MYH15: variants seen among roughly 807,000 people sequenced by gnomAD.
The protein encoded by MYH15 is myosin heavy chain 15, also known as myosin-15.
In MYH15, 227 loss-of-function variants were observed where a neutral mutation model predicts 240.5. The observed-to-expected ratio is 0.94, with a 90% CI of 0.85 to 1.05. MYH15 has a LOEUF of 1.05. Ranked by LOEUF, MYH15 falls within the 50% of genes least tolerant of loss-of-function variation. MYH15 has a pLI of 0.00. For synonymous variants in MYH15, 785 were observed against 796.7 expected, an observed-to-expected ratio of 0.99 and a Z score of 0.25; for missense variants, 2,217 against 2,247.5, an observed-to-expected ratio of 0.99 and a Z score of 0.27.
At chr3:108,477,225 G>A (rs374919420) in intron 11 of MYH15, among the ~76,000 whole-genome samples, 2 of 152,128 alleles carry the variant, frequency 1.3e-5, no homozygotes, top group African/African-American at 4.8e-5. Context: ...GACACGAAAG[G>A]CCACATATTG....
At chr3:108,450,710 C>T (rs1233440269) in intron 21 of MYH15, among the ~76,000 whole-genome samples, 1 of 152,156 alleles carries the variant, frequency 6.6e-6, no homozygotes, top group African/African-American at 2.4e-5. Flanking sequence ...TCACCACACA[C>T]ACAAAAGATA....
chr3:108,549,763 C>A, the MYH15 span: 8 of 152,104 alleles, frequency 5.3e-5, no homozygotes, highest in African/African-American at 1.9e-4. Context: ...TAGGGTAGCA[C>A]TAGGCTAGGC....
At chr3:108,390,957 A>G (rs2082419056) in intron 37 of MYH15, among the ~76,000 whole-genome samples, 1 of 152,168 alleles carries the variant, frequency 6.6e-6, no homozygotes, top group Non-Finnish European at 1.5e-5. Flanking sequence ...TTTCATTTTG[A>G]AAATATAAGC....
chr3:108,425,360 T>A (rs1244057989), intron 27 of MYH15, among the ~76,000 whole-genome samples: 1 of 152,216 alleles, frequency 6.6e-6, no homozygotes, highest in African/African-American at 2.4e-5. Context: ...CCGTGCTTTA[T>A]GAATATTCTA....
chr3:108,509,027 T>C (rs2083500825), intron 1 of MYH15, among the ~76,000 whole-genome samples: 1 of 152,172 alleles, frequency 6.6e-6, no homozygotes, highest in Non-Finnish European at 1.5e-5. Flanking sequence ...AGTGATTTGC[T>C]CTAATTACCC....
chr3:108,410,827 G>T lies in MYH15; in HGVS notation c.4251C>A (p.Leu1417=). 4 of 1,613,950 alleles carry T rather than the reference G, an allele frequency of 2.5e-6. No individual in the cohort carries two copies. Among genetic ancestry groups the T allele is most frequent in the Non-Finnish European group, 3.4e-6 (4 of 1,179,844 alleles). ...ERARHQLQLE[L]GDALSDLGKV... ...TCCCGAGGTCAGACAGGGCGTCCCC[G>T]AGCTCCAGCTGCAGCTGGTGCCTGG... The change falls in exon 31 of 41, where the codon CTC becomes CTA. Residue 1417 remains leucine (L), a synonymous_variant. Coordinates refer to ENST00000693548, the MANE Select transcript of MYH15 (RefSeq NM_014981.3).
chr3:108,426,519 C>T (rs967830829), intron 27 of MYH15, among the ~76,000 whole-genome samples: 2 of 152,244 alleles, frequency 1.3e-5, no homozygotes, highest in African/African-American at 4.8e-5. Flanking sequence ...CAGGTCACCA[C>T]TCTGGAAGGC....
chr3:108,471,093 A>AG (rs1560403062), intron 12 of MYH15, among the ~76,000 whole-genome samples: 35 of 127,470 alleles, frequency 2.7e-4, no homozygotes, highest in African/African-American at 9.0e-4. Flanking sequence ...GGAAGGAAAG[A>AG]AGGGAGGGAG....
chr3:108,477,693 T>TA (rs1031830730), intron 11 of MYH15, among the ~76,000 whole-genome samples: 1 of 152,144 alleles, frequency 6.6e-6, no homozygotes, highest in Non-Finnish European at 1.5e-5. Context: ...CAGCTATCTG[T>TA]AAAACACCCT....
intron 14 of MYH15, among the ~76,000 whole-genome samples, chr3:108,469,331 G>A (rs116805105): frequency 0.01 from 1,576 of 152,200 alleles, 16 homozygotes; most frequent in African/African-American, 0.031. Context: ...CGATTATGGC[G>A]AGGCCCAAGA....
chr3:108,424,324 G>C (rs1315276577), intron 27 of MYH15, among the ~76,000 whole-genome samples: 1 of 152,208 alleles, frequency 6.6e-6, no homozygotes. Flanking sequence ...CACTGGTATA[G>C]TGTTTCCATG....
intron 33 of MYH15, among the ~76,000 whole-genome samples, chr3:108,401,179 T>C (rs1356549193): frequency 6.6e-6 from 1 of 152,202 alleles, no homozygotes; most frequent in East Asian, 1.9e-4. Context: ...TTACACGTTC[T>C]TGCCGTAACC....
In MYH15 at chr3:108,380,977, C is replaced by T. The variant is rs1215227654; in HGVS notation, c.*568G>A. On this transcript the variant is annotated 3_prime_UTR_variant, in exon 41 of 41. Coordinates refer to ENST00000693548, the MANE Select transcript of MYH15 (RefSeq NM_014981.3). ...GTTTAAAGCATGTACCAGCATATAG[C>T]CTACATGTGTGTTGATTAGGAGAGT... 6.5e-6 allele frequency: 1 copy of T among 154,146 alleles called. No homozygotes were observed. Among genetic ancestry groups the T allele is most frequent in the Non-Finnish European group, 1.4e-5 (1 of 69,400 alleles). 9.5% of individuals were successfully genotyped at this position (154,146 alleles called of 1,614,324 possible).
chr3:108,383,566 G>A (rs1034102406), intron 40 of MYH15, 29 bp downstream of exon 40: 15 of 1,608,340 alleles, frequency 9.3e-6, no homozygotes, highest in African/African-American at 6.7e-5. Flanking sequence ...TGATTAAAGA[G>A]TTAGAACAGA....
In MYH15 at chr3:108,454,010, C is replaced by T. The variant is rs77864349; in HGVS notation, c.2395G>A (p.Glu799Lys). The T allele has an allele frequency of 8.2e-4, 1,322 of 1,610,692 alleles. 13 individuals are homozygous for T. The African/African-American group carries it at 0.015, about 18-fold the overall frequency. The change falls in exon 21 of 41, where the codon GAA becomes AAA. Residue 799 changes from glutamate (E) to lysine (K), a missense_variant. By Grantham distance (56) the Glu-to-Lys change is moderately conservative. Transcript: ENST00000693548. Reference sequence around the variant, plus strand: ...AGCAGGGTGGGCATATAATACCTTTCTTCCAGAATCTTCTGGAATTTGATT... The same window carrying T: ...AGCAGGGTGGGCATATAATACCTTTTTTCCAGAATCTTCTGGAATTTGATT... Reference protein sequence around the residue: ...MRIKFQKILEERDALILIQWN... With the variant: ...MRIKFQKILEKRDALILIQWN...
the MYH15 span, chr3:108,543,837 G>C: frequency 6.6e-6 from 1 of 152,272 alleles, no homozygotes; most frequent in Admixed American, 6.5e-5. Context: ...TCTTGTGGAA[G>C]TGAGGCATCA....
At chr3:108,507,255 A>G (rs900912037) in intron 1 of MYH15, among the ~76,000 whole-genome samples, 4 of 47,064 alleles carry the variant, frequency 8.5e-5, no homozygotes, top group Admixed American at 7.3e-4. Context: ...ATATATATAT[A>G]TATATATATA....
intron 1 of MYH15, among the ~76,000 whole-genome samples, chr3:108,507,175 T>G (rs908007574): frequency 7.0e-6 from 1 of 142,904 alleles, no homozygotes; most frequent in African/African-American, 2.6e-5. Flanking sequence ...TATATATGTG[T>G]GTCTATGTAT....
chr3:108,455,690 TC>T (rs1560384253), intron 20 of MYH15, 45 bp downstream of exon 20: 7 of 1,596,060 alleles, frequency 4.4e-6, no homozygotes, highest in East Asian at 2.2e-5. Context: ...TACACAGTCT[TC>T]CCCCCATTCG....
Sources: gnomAD v4.1 joint callset for allele counts (sites outside exome capture counted in the v4.1 genomes callset) on GRCh38, gnomAD v4.1.1 for gene constraint, MANE v1.5 for transcripts, NCBI Gene and HGNC (gene_info 2026-07-23, HGNC 2026-07-21) for gene names.